The following DNAAF4 variants were observed in gnomAD, a reference collection of about 807,000 sequenced individuals.
DNAAF4 encodes the protein dynein axonemal assembly factor 4, also known as dynein assembly factor 4, axonemal.
A neutral mutation model predicts 51.8 loss-of-function variants in DNAAF4; 43 were observed. The observed-to-expected ratio is 0.83, with a 90% CI of 0.65 to 1.07. The LOEUF (loss-of-function observed/expected upper bound fraction) is 1.07. DNAAF4 is among the 50% of genes least tolerant of loss of function. The pLI, the probability that DNAAF4 is intolerant of heterozygous loss-of-function variation, is 0.00. For missense variants in DNAAF4, 581 were observed against 493.0 expected (o/e 1.18, Z -1.69); for synonymous variants, 194 against 165.6 (o/e 1.17, Z -1.32).
intron 4 of DNAAF4, among the ~76,000 whole-genome samples, chr15:55,487,876 C>G (rs965582796): frequency 6.6e-6 from 1 of 152,142 alleles, no homozygotes; most frequent in African/African-American, 2.4e-5. Flanking sequence ...ACCTCTCTTT[C>G]CAAGAAGTAT....
Position 55,434,670 on chromosome 15 carries a change from G to A in DNAAF4, c.1047+235C>T, listed in dbSNP as rs187402864. Reference sequence around the variant, plus strand: ...CAATATAGCGAGACCCACTGCGCCCGGCCAGTAACAGCTGATTTTTAATCT... The same window carrying A: ...CAATATAGCGAGACCCACTGCGCCCAGCCAGTAACAGCTGATTTTTAATCT... On this transcript the variant is annotated intron_variant, in intron 8 of 9. Transcript: ENST00000321149. 4.4e-4 allele frequency among the ~76,000 whole-genome samples: 67 copies of A among 151,734 alleles called. 1 individual carries two copies. The highest frequency in any genetic ancestry group is 3.4e-3 in the Middle Eastern group (1 of 294).
At chr15:55,443,157 C>T in intron 6 of DNAAF4, 2 of 1,610,688 alleles carry the variant, frequency 1.2e-6, no homozygotes, top group African/African-American at 2.7e-5. Flanking sequence ...CTTCACATTT[C>T]TTCATAAACT....
chr15:55,468,947 A>G (rs1439559214), intron 4 of DNAAF4, among the ~76,000 whole-genome samples: 1 of 152,192 alleles, frequency 6.6e-6, no homozygotes, highest in Non-Finnish European at 1.5e-5. Flanking sequence ...AGGTAACAGA[A>G]GGAACTACAA....
At position 55,498,383 on chromosome 15, in the gene DNAAF4, G is replaced by T. The variant is rs984965888; in HGVS notation, c.-54C>A. On this transcript the variant is annotated 5_prime_UTR_variant, in exon 2 of 10. Transcript: ENST00000321149. ...GCTGGTTGCTTCTTGCGCCTGCTTG[G>T]TTGCTAGGGAAGCTGGGGTTACCAT... The T allele has an allele frequency of 1.1e-5, 17 of 1,575,830 alleles. No homozygotes were observed. The African/African-American group carries it at 2.3e-4, about 22-fold the overall frequency.
In DNAAF4 at chr15:55,467,163, T is replaced by C; in HGVS notation, c.406-2A>G. 6.5e-7 allele frequency: 1 copy of C among 1,528,188 alleles called. No individual in the cohort carries two copies. 94.7% of individuals were successfully genotyped at this position (1,528,188 alleles called of 1,614,324 possible). Reference sequence around the variant, plus strand: ...TTTTTTCCTCTCTTCTTCTTCAATCTATAACAATTGCAATTACCAAATTCT... The same window carrying C: ...TTTTTTCCTCTCTTCTTCTTCAATCCATAACAATTGCAATTACCAAATTCT... On this transcript the variant is annotated splice_acceptor_variant, in intron 4 of 9. Transcript: ENST00000321149. LOFTEE classifies it high-confidence loss of function.
chr15:55,486,194 G>GTTT (rs750587912), intron 4 of DNAAF4, among the ~76,000 whole-genome samples: 1 of 131,498 alleles, frequency 7.6e-6, no homozygotes, highest in Non-Finnish European at 1.6e-5. Context: ...TGGTTGGTTG[G>GTTT]TTTTTTTTTT....
In DNAAF4 at chr15:55,498,275, G is replaced by A. The variant is rs201419966; in HGVS notation, c.55C>T (p.Leu19=). 6.2e-7 allele frequency: 1 copy of A among 1,613,622 alleles called. No individual in the cohort carries two copies. The highest frequency in any genetic ancestry group is 8.5e-7 in the Non-Finnish European group (1 of 1,179,834). ...SWQQTKTAVF[L]SLPLKGVCVR... is the part of the protein sequence containing the mutation. ...CACACGCCTTTGAGGGGCAGAGACA[G>A]AAAGACCGCAGTCTTCGTCTGCTGC... The change falls in exon 2 of 10, where the codon CTG becomes TTG. Residue 19 remains leucine (L), a synonymous_variant. Transcript: ENST00000321149.
At chr15:55,451,763 C>T (rs72744187) in intron 5 of DNAAF4, among the ~76,000 whole-genome samples, 32,718 of 151,814 alleles carry the variant, frequency 0.22, 4,430 homozygotes, top group Non-Finnish European at 0.3. Flanking sequence ...CAGGTGCCCA[C>T]CACCATACAT....
intron 4 of DNAAF4, among the ~76,000 whole-genome samples, chr15:55,479,120 G>A (rs184116405): frequency 1.1e-3 from 162 of 151,002 alleles, no homozygotes; most frequent in African/African-American, 3.7e-3. Flanking sequence ...TACTAATCCT[G>A]AGACATCTAG....
intron 7 of DNAAF4, among the ~76,000 whole-genome samples, chr15:55,436,763 C>T (rs1595893415): frequency 1.3e-5 from 2 of 152,158 alleles, no homozygotes; most frequent in African/African-American, 2.4e-5. Flanking sequence ...CAAGTATCTA[C>T]CCATCTTGGC....
At chr15:55,473,651 T>C in intron 4 of DNAAF4, among the ~76,000 whole-genome samples, 1 of 151,948 alleles carries the variant, frequency 6.6e-6, no homozygotes, top group East Asian at 1.9e-4. Context: ...AATAAAAATT[T>C]ATAAGCTGGA....
chr15:55,436,928 C>T (rs914721870), intron 7 of DNAAF4, among the ~76,000 whole-genome samples: 3 of 152,086 alleles, frequency 2.0e-5, no homozygotes, highest in Non-Finnish European at 4.4e-5. Flanking sequence ...TCAAGCAATT[C>T]TCCTGCCTCA....
At chr15:55,433,812 AAT>A (rs1354235659) in intron 8 of DNAAF4, among the ~76,000 whole-genome samples, 8 of 88,346 alleles carry the variant, frequency 9.1e-5, no homozygotes, top group South Asian at 2.7e-4. Flanking sequence ...TTATATATAT[AAT>A]ATATATTATA....
At chr15:55,418,307 G>A in intron 7 of DNAAF4, 1 of 1,546,936 alleles carries the variant, frequency 6.5e-7, no homozygotes, top group Non-Finnish European at 8.7e-7. Context: ...TGGCAATCCT[G>A]TGTTTTCATG....
chr15:55,487,804 T>G (rs1166547143), intron 4 of DNAAF4, among the ~76,000 whole-genome samples: 2 of 152,220 alleles, frequency 1.3e-5, no homozygotes, highest in African/African-American at 4.8e-5. Context: ...GACCAATAAA[T>G]GTTCCTTTGT....
At chr15:55,506,657 T>A (rs965304130) in intron 1 of DNAAF4, among the ~76,000 whole-genome samples, 2 of 152,140 alleles carry the variant, frequency 1.3e-5, no homozygotes, top group African/African-American at 4.8e-5. Context: ...TTTATAGGTG[T>A]TCATAGCAAC....
At position 55,498,202 on chromosome 15, in the gene DNAAF4, C is replaced by G; in HGVS notation, c.123+5G>C. On this transcript the variant is annotated splice_donor_5th_base_variant and intron_variant, in intron 2 of 9. Coordinates refer to ENST00000321149, the MANE Select transcript of DNAAF4 (RefSeq NM_130810.4). Reference sequence around the variant, plus strand: ...GAGACCGGCAGGCAAGACTTGCATTCTTACCTTCAGATAGTTTTCCGTGCA... The same window carrying G: ...GAGACCGGCAGGCAAGACTTGCATTGTTACCTTCAGATAGTTTTCCGTGCA... The G allele has an allele frequency of 6.2e-7, 1 of 1,614,032 alleles. No homozygotes were observed. The highest frequency in any genetic ancestry group is 1.1e-5 in the South Asian group (1 of 91,038).
Position 55,495,639 on chromosome 15 carries a change from G to C in DNAAF4, c.271+2073C>G, listed in dbSNP as rs575837273. ...AGTCCCTGCTACTCAGGAGGTCGAG[G>C]CAGGAGAATTGCTGGAACCTAGGAG... On this transcript the variant is annotated intron_variant, in intron 3 of 9. Transcript: ENST00000321149. Among the ~76,000 whole-genome samples the C allele has an allele frequency of 3.9e-5, 6 of 152,292 alleles. No homozygotes were observed. The East Asian group carries it at 7.7e-4, about 20-fold the overall frequency.
In DNAAF4 at chr15:55,498,398, G is replaced by A; in HGVS notation, c.-69C>T. On this transcript the variant is annotated 5_prime_UTR_variant, in exon 2 of 10. Coordinates refer to ENST00000321149, the MANE Select transcript of DNAAF4 (RefSeq NM_130810.4). ...CGCCTGCTTGGTTGCTAGGGAAGCT[G>A]GGGTTACCATGCGCCAGCCCTTCCG... 2 of 1,559,310 alleles carry A rather than the reference G, an allele frequency of 1.3e-6. No individual in the cohort carries two copies. Among genetic ancestry groups the A allele is most frequent in the Non-Finnish European group, 1.7e-6 (2 of 1,151,812 alleles).
Sources: gnomAD v4.1 joint callset for allele counts (sites outside exome capture counted in the v4.1 genomes callset) on GRCh38, gnomAD v4.1.1 for gene constraint, MANE v1.5 for transcripts, NCBI Gene and HGNC (gene_info 2026-07-23, HGNC 2026-07-21) for gene names.